Variants in UBOX5 observed in about 807,000 individuals in gnomAD.
UBOX5 encodes the protein RING finger protein 37.
Under a neutral mutation model 39.0 loss-of-function variants are expected in UBOX5, and 28 were observed. That is an observed-to-expected ratio of 0.72 (90% CI 0.53 to 0.98). The LOEUF (loss-of-function observed/expected upper bound fraction) is 0.98, where lower values mean the gene tolerates loss of function less well. Ranked by LOEUF, UBOX5 falls within the 50% of genes least tolerant of loss-of-function variation. The pLI, the probability that UBOX5 is intolerant of heterozygous loss-of-function variation, is 0.00. For synonymous variants in UBOX5, 283 were observed against 275.5 expected (o/e 1.03, Z -0.27); for missense variants, 585 against 674.4 (o/e 0.87, Z 1.47).
intron 4 of UBOX5, among the ~76,000 whole-genome samples, chr20:3,111,141 C>T (rs2066251023): frequency 6.6e-6 from 1 of 152,190 alleles, no homozygotes; most frequent in African/African-American, 2.4e-5. Context: ...GGCCATGCCC[C>T]ACCAGGCTGC....
chr20:3,157,043 G>C (rs371490512), intron 1 of UBOX5, among the ~76,000 whole-genome samples: 207 of 152,226 alleles, frequency 1.4e-3, no homozygotes, highest in African/African-American at 4.8e-3. Context: ...GGCAGATCAC[G>C]TGAGGCCAGG....
chr20:3,112,971 GA>G (rs1366741409), intron 4 of UBOX5, among the ~76,000 whole-genome samples: 3 of 150,222 alleles, frequency 2.0e-5, no homozygotes, highest in Non-Finnish European at 4.4e-5. Context: ...ATCTCAAAAA[GA>G]AAAGAAAAAG....
intron 1 of UBOX5, among the ~76,000 whole-genome samples, chr20:3,142,427 ACT>A (rs1296334478): frequency 6.6e-6 from 1 of 151,648 alleles, no homozygotes; most frequent in African/African-American, 2.4e-5. Flanking sequence ...TTGGCGAAAC[ACT>A]GTCTCTACTA....
Position 3,122,148 on chromosome 20 carries a change from G to C in UBOX5, c.491C>G (p.Ala164Gly), listed in dbSNP as rs1470686751. 6.2e-7 allele frequency: 1 copy of C among 1,614,264 alleles called. No homozygotes were observed. Among genetic ancestry groups the C allele is most frequent in the Admixed American group, 1.7e-5 (1 of 60,026 alleles). ...VVAQELWNKG[A>G]LSLSHVAHLR... ...GTGGGCCACGTGGCTAAGGGAAAGAGCCCCTTTATTCCAGAGCTCCTGGGC... is the reference window on the plus strand; with the variant it reads ...GTGGGCCACGTGGCTAAGGGAAAGACCCCCTTTATTCCAGAGCTCCTGGGC... The change falls in exon 3 of 5, where the codon GCT becomes GGT. Residue 164 changes from alanine to glycine, a missense_variant. Ala to Gly is a moderately conservative substitution (Grantham distance 60). Transcript: ENST00000217173.
At chr20:3,119,287 C>CA (rs555029315) in intron 3 of UBOX5, among the ~76,000 whole-genome samples, 5 of 152,334 alleles carry the variant, frequency 3.3e-5, no homozygotes, top group African/African-American at 1.2e-4. Flanking sequence ...CTCAGTCCAA[C>CA]AATGCATCAA....
chr20:3,132,657 A>G (rs1441441584), intron 1 of UBOX5, among the ~76,000 whole-genome samples: 2 of 151,886 alleles, frequency 1.3e-5, no homozygotes, highest in Non-Finnish European at 2.9e-5. Context: ...CGTCTCTACT[A>G]AAAATACAAA....
rs2066411521 is a variant in UBOX5, at chr20:3,129,119, C to T, written c.-41-5713G>A. On this transcript the variant is annotated intron_variant, in intron 1 of 4. Coordinates refer to ENST00000217173, the MANE Select transcript of UBOX5 (RefSeq NM_014948.4). ...GGCTGTCAACTACCCCAGTCAACTA[C>T]AAAAGCATATGGACCTAACCCTGAC... 2.0e-5 allele frequency among the ~76,000 whole-genome samples: 3 copies of T among 152,212 alleles called. No homozygotes were observed. The South Asian group carries it at 6.2e-4, about 31-fold the overall frequency.
chr20:3,120,357 A>C (rs1326196754), intron 3 of UBOX5, among the ~76,000 whole-genome samples: 4 of 151,312 alleles, frequency 2.6e-5, no homozygotes, highest in Non-Finnish European at 4.4e-5. Flanking sequence ...AAAAAAAAAA[A>C]AAAAACAGAA....
At chr20:3,153,982 C>G (rs2066658764) in intron 1 of UBOX5, among the ~76,000 whole-genome samples, 1 of 152,056 alleles carries the variant, frequency 6.6e-6, no homozygotes, top group Non-Finnish European at 1.5e-5. Flanking sequence ...AATGCTCAAC[C>G]TGTACTTTAA....
intron 1 of UBOX5, among the ~76,000 whole-genome samples, chr20:3,140,618 G>A (rs967599910): frequency 1.3e-5 from 2 of 151,820 alleles, no homozygotes; most frequent in African/African-American, 2.4e-5. Context: ...GAAACCTATC[G>A]TCAACATGTA....
chr20:3,114,414 G>C (rs1314295231), intron 4 of UBOX5, among the ~76,000 whole-genome samples: 1 of 152,098 alleles, frequency 6.6e-6, no homozygotes, highest in South Asian at 2.1e-4. Flanking sequence ...GCTCCATCTC[G>C]TAAAAAATGC....
At chr20:3,148,756 G>A (rs145622355) in intron 1 of UBOX5, 56 of 1,614,056 alleles carry the variant, frequency 3.5e-5, no homozygotes, top group African/African-American at 1.5e-4. Flanking sequence ...ACACTTCTAC[G>A]TCCTCTTCAT....
intron 1 of UBOX5, among the ~76,000 whole-genome samples, chr20:3,157,536 G>A (rs892430071): frequency 2.2e-4 from 34 of 152,194 alleles, no homozygotes; most frequent in Non-Finnish European, 4.3e-4. Flanking sequence ...TGGCAAGAAG[G>A]ATGTGGGTAG....
intron 1 of UBOX5, among the ~76,000 whole-genome samples, chr20:3,127,610 T>TCAGTCTGCATTTGTAG (rs1468576742): frequency 6.6e-6 from 1 of 152,080 alleles, no homozygotes; most frequent in Non-Finnish European, 1.5e-5. Context: ...TCCACCTCGG[T>TCAGTCTGCATTTGTAG]CAGTCTGCAT....
chr20:3,152,620 G>A (rs1367467211), intron 1 of UBOX5, among the ~76,000 whole-genome samples: 1 of 152,092 alleles, frequency 6.6e-6, no homozygotes, highest in Non-Finnish European at 1.5e-5. Context: ...TGAGGAAGGA[G>A]ATCCTGGCCA....
intron 1 of UBOX5, among the ~76,000 whole-genome samples, chr20:3,152,803 G>A (rs530149035): frequency 2.5e-4 from 38 of 152,088 alleles, no homozygotes; most frequent in African/African-American, 9.2e-4. Flanking sequence ...CTACTTGAGA[G>A]GCTGAGGCAG....
intron 1 of UBOX5, among the ~76,000 whole-genome samples, chr20:3,158,858 A>G (rs2066717173): frequency 6.6e-6 from 1 of 152,258 alleles, no homozygotes; most frequent in South Asian, 2.1e-4. Flanking sequence ...TACAGAATCT[A>G]GTTCTGGAAA....
At chr20:3,113,701 C>T (rs114086798) in intron 4 of UBOX5, among the ~76,000 whole-genome samples, 1,626 of 152,176 alleles carry the variant, frequency 0.011, 37 homozygotes, top group African/African-American at 0.036. Flanking sequence ...TGAAGGAACT[C>T]GAGAATGACT....
chr20:3,121,650 T>A lies in UBOX5; in HGVS notation c.989A>T (p.His330Leu). Residue 330 changes from histidine to leucine, a missense_variant, in exon 3 of 5, where the codon CAT becomes CTT. Physicochemically the swap from His to Leu is moderately conservative, Grantham distance 99. Transcript: ENST00000217173. ...AGGGATGGAGTGCTGGAGCAGGAAATGGTCAATCCGGGCCTTGAGGGAGGG... is the reference window on the plus strand; with the variant it reads ...AGGGATGGAGTGCTGGAGCAGGAAAAGGTCAATCCGGGCCTTGAGGGAGGG... ...PHPSLKARID[H>L]FLLQHSIPGC... 1 of 1,612,880 alleles carries A rather than the reference T, an allele frequency of 6.2e-7. No homozygotes were observed. Among genetic ancestry groups the A allele is most frequent in the Non-Finnish European group, 8.5e-7 (1 of 1,179,590 alleles).
Sources: allele counts gnomAD v4.1 joint callset (sites outside exome capture counted in the v4.1 genomes callset), GRCh38; gene constraint gnomAD v4.1.1; transcripts MANE v1.5; gene names NCBI Gene and HGNC (gene_info 2026-07-23, HGNC 2026-07-21).